The following KIF26B variants were observed in gnomAD, a reference collection of about 807,000 sequenced individuals.
The protein encoded by KIF26B is kinesin family member 26B.
KIF26B carries 63 observed loss-of-function variants against 151.2 expected under a neutral mutation model. The observed-to-expected ratio is 0.42, with a 90% CI of 0.34 to 0.51. The LOEUF (loss-of-function observed/expected upper bound fraction) is 0.51, where lower values mean the gene tolerates loss of function less well. KIF26B is among the 20% of genes least tolerant of loss of function. KIF26B has a pLI of 0.07. For missense variants in KIF26B, 2,813 were observed against 2,913.6 expected (o/e 0.97, Z 0.79); for synonymous variants, 1,357 against 1,262.1 (o/e 1.08, Z -1.59).
rs1471764182 is a variant in KIF26B, at chr1:245,686,790, G to C, written c.3807G>C (p.Gln1269His). Residue 1269 changes from glutamine to histidine, a missense_variant, in exon 12 of 15, where the codon CAG (glutamine) becomes CAC (histidine). Coordinates refer to ENST00000407071, the MANE Select transcript of KIF26B (RefSeq NM_018012.4). The surrounding 1 kb of genome is among the most constrained non-coding windows in gnomAD (Gnocchi z 5.6). Reference protein sequence around the residue: ...LPKMSLDEKAQDAGSRRSSIS... With the variant: ...LPKMSLDEKAHDAGSRRSSIS... ...AGATGAGCCTGGATGAGAAGGCCCA[G>C]GACGCAGGGAGCAGACGCTCTTCCA... is the stretch of plus-strand genomic sequence containing the variant. 6.2e-7 allele frequency: 1 copy of C among 1,613,410 alleles called. No individual in the cohort carries two copies. The highest frequency in any genetic ancestry group is 2.2e-5 in the East Asian group (1 of 44,846).
chr1:245,209,799 G>A (rs774732445), intron 2 of KIF26B, among the ~76,000 whole-genome samples: 1 of 152,262 alleles, frequency 6.6e-6, no homozygotes, highest in African/African-American at 2.4e-5. Flanking sequence ...TGGAAACAGG[G>A]CCTGGGGGTC....
Position 245,156,542 on chromosome 1 carries a change from A to T in KIF26B, c.324A>T (p.Thr108=). 1.3e-6 allele frequency: 2 copies of T among 1,535,974 alleles called. No individual in the cohort carries two copies. Among genetic ancestry groups the T allele is most frequent in the Non-Finnish European group, 1.7e-6 (2 of 1,147,084 alleles). ...TGGGCGGCTCTCCGGGCTTCGGCAC[A>T]GGCTCCCCGGGCTCCGGCAGCGGCG... The part of the protein sequence containing the change: ...GSLGGSPGFG[T]GSPGSGSGGG... The change falls in exon 2 of 15, where the codon ACA becomes ACT. Residue 108 remains threonine (T), a synonymous_variant. Transcript: ENST00000407071.
At chr1:245,521,042 A>G (rs1418509119) in intron 4 of KIF26B, among the ~76,000 whole-genome samples, 1 of 152,196 alleles carries the variant, frequency 6.6e-6, no homozygotes, top group East Asian at 1.9e-4. Flanking sequence ...GTACCCGTTA[A>G]AAAGCAATAA....
chr1:245,311,874 G>A (rs551679276), intron 2 of KIF26B, among the ~76,000 whole-genome samples: 6 of 152,302 alleles, frequency 3.9e-5, no homozygotes, highest in South Asian at 4.1e-4. Flanking sequence ...AGGTTGCAGT[G>A]AGCCGAGATC....
intron 8 of KIF26B, 140 bp from the exon 9 acceptor site, chr1:245,611,653 A>T: frequency 1.4e-6 from 1 of 699,718 alleles, no homozygotes; most frequent in Non-Finnish European, 2.3e-6. Flanking sequence ...TTGTTTCAGA[A>T]GGGTTTTCAG....
rs149370219 is a variant in KIF26B at position 245,449,025 on chromosome 1, T to A, written c.1166+29280T>A. ...CCTCTAATGCCTGAAACAAGGAGAC[T>A]GTTTACTTTAGCACGTCAGTACTTG... is the stretch of plus-strand genomic sequence containing the variant. On this transcript the variant is annotated intron_variant, in intron 4 of 14. Coordinates refer to ENST00000407071, the MANE Select transcript of KIF26B (RefSeq NM_018012.4). Among the ~76,000 whole-genome samples, 3 of 152,322 alleles carry A rather than the reference T, an allele frequency of 2.0e-5. No individual in the cohort carries two copies. In the East Asian group the frequency reaches 5.8e-4, roughly 29 times the overall value.
intron 4 of KIF26B, among the ~76,000 whole-genome samples, chr1:245,532,252 T>TCTTTTCTTTTC (rs568246743): frequency 6.9e-6 from 1 of 145,730 alleles, no homozygotes; most frequent in African/African-American, 2.5e-5. Flanking sequence ...TCTTTTCTTT[T>TCTTTTCTTTTC]TTTTTTTTTT....
chr1:245,513,843 T>G (rs926138990), intron 4 of KIF26B, among the ~76,000 whole-genome samples: 7 of 152,238 alleles, frequency 4.6e-5, no homozygotes, highest in African/African-American at 1.7e-4. Flanking sequence ...CTAATTGGCC[T>G]TAGTGTTACA....
At chr1:245,384,146 G>A (rs968982830) in intron 3 of KIF26B, among the ~76,000 whole-genome samples, 6 of 152,042 alleles carry the variant, frequency 3.9e-5, no homozygotes, top group Admixed American at 1.3e-4. Flanking sequence ...ACCACTTCCC[G>A]TTCCCCTGAC....
chr1:245,595,380 T>A (rs141690542), intron 5 of KIF26B, among the ~76,000 whole-genome samples: 23 of 152,256 alleles, frequency 1.5e-4, no homozygotes, highest in African/African-American at 5.3e-4. Context: ...GAAGGGGTGT[T>A]GAATTTTGTT....
chr1:245,239,111 TTTAC>T lies in KIF26B; in HGVS notation c.465+82431_465+82434del, dbSNP rs1309080048. On this transcript the variant is annotated intron_variant, in intron 2 of 14. Coordinates refer to ENST00000407071, the MANE Select transcript of KIF26B (RefSeq NM_018012.4). The surrounding 1 kb of genome is among the most constrained non-coding windows in gnomAD (Gnocchi z 4.3). ...GCTGTCCTTCTCCCAGCCCATTCAT[TTTAC>T]TTCCCCTCTCAGAATGGCCTGTGTA... Among the ~76,000 whole-genome samples the T allele has an allele frequency of 6.6e-6, 1 of 152,118 alleles. No homozygotes were observed. The highest frequency in any genetic ancestry group is 2.4e-5 in the African/African-American group (1 of 41,422).
At chr1:245,462,337 C>T (rs1273076633) in intron 4 of KIF26B, among the ~76,000 whole-genome samples, 1 of 152,074 alleles carries the variant, frequency 6.6e-6, no homozygotes, top group Non-Finnish European at 1.5e-5. Flanking sequence ...AGAATGCCGC[C>T]ATTACATATG....
intron 10 of KIF26B, among the ~76,000 whole-genome samples, chr1:245,655,408 G>A (rs979915158): frequency 3.3e-5 from 5 of 151,666 alleles, no homozygotes; most frequent in Non-Finnish European, 7.3e-5. Context: ...TTGAAAGTAC[G>A]CATCTTTTCT....
At chr1:245,466,258 CTG>C (rs1391323468) in intron 4 of KIF26B, among the ~76,000 whole-genome samples, 3 of 152,178 alleles carry the variant, frequency 2.0e-5, no homozygotes, top group African/African-American at 7.2e-5. Flanking sequence ...TCCTTTAAGT[CTG>C]TAACAGCTGA....
chr1:245,631,507 G>A (rs1339064657), intron 9 of KIF26B, among the ~76,000 whole-genome samples: 1 of 152,158 alleles, frequency 6.6e-6, no homozygotes, highest in Non-Finnish European at 1.5e-5. Flanking sequence ...TTATTGGTGT[G>A]TTGTTAGATT....
chr1:245,547,123 C>A (rs1362201885), intron 5 of KIF26B, among the ~76,000 whole-genome samples: 2 of 152,264 alleles, frequency 1.3e-5, no homozygotes, highest in Non-Finnish European at 2.9e-5. Flanking sequence ...CCAGAAGGGC[C>A]ATGCTATTTC....
At chr1:245,570,061 G>C (rs1351756590) in intron 5 of KIF26B, among the ~76,000 whole-genome samples, 1 of 148,806 alleles carries the variant, frequency 6.7e-6, no homozygotes, top group Non-Finnish European at 1.5e-5. Context: ...TCAGCCTCCG[G>C]AGTAGCTGGG....
intron 2 of KIF26B, among the ~76,000 whole-genome samples, chr1:245,287,931 G>C (rs1283388583): frequency 6.6e-6 from 1 of 151,406 alleles, no homozygotes; most frequent in Non-Finnish European, 1.5e-5. Flanking sequence ...CCATCTTCTG[G>C]GTTTTGATAA....
intron 2 of KIF26B, among the ~76,000 whole-genome samples, chr1:245,192,822 G>A (rs748023742): frequency 2.6e-5 from 4 of 152,188 alleles, no homozygotes; most frequent in South Asian, 2.1e-4. Context: ...CACGTGTCCC[G>A]TTCTGTAGTG....
Sources: gnomAD v4.1 joint callset for allele counts (sites outside exome capture counted in the v4.1 genomes callset) on GRCh38, gnomAD v4.1.1 for gene constraint, Gnocchi (gnomAD v3.1) non-coding constraint, MANE v1.5 for transcripts, NCBI Gene and HGNC (gene_info 2026-07-23, HGNC 2026-07-21) for gene names.